Variants in PDE10A observed in about 807,000 individuals in gnomAD.
PDE10A encodes the protein cAMP and cAMP-inhibited cGMP 3',5'-cyclic phosphodiesterase 10A.
A neutral mutation model predicts 97.7 loss-of-function variants in PDE10A; 39 were observed. The ratio of observed to expected loss-of-function variants is 0.40; its 90% CI spans 0.31 to 0.52. The LOEUF is 0.52. Among genes scored for constraint, PDE10A ranks in the 20% least tolerant of loss-of-function variants. The pLI is 0.56. For missense variants in PDE10A, 731 were observed against 1,047.8 expected, an observed-to-expected ratio of 0.70 and a Z score of 4.17; for synonymous variants, 371 against 376.8, an observed-to-expected ratio of 0.98 and a Z score of 0.18.
chr6:165,462,211 A>C lies in PDE10A; in HGVS notation c.1024-11849T>G, dbSNP rs529723346. 2.1e-4 allele frequency among the ~76,000 whole-genome samples: 32 copies of C among 152,356 alleles called. No individual in the cohort carries two copies. The South Asian group carries it at 6.0e-3, about 29-fold the overall frequency. ...ATACAATTCTCAAGGACAAGTCATA[A>C]TGGAAAGAATGAATCTTTTTCTAAA... On this transcript the variant is annotated intron_variant, in intron 3 of 21. Coordinates refer to ENST00000539869, the MANE Select transcript of PDE10A (RefSeq NM_001385079.1).
At chr6:165,394,346 C>A (rs1429327020) in intron 15 of PDE10A, among the ~76,000 whole-genome samples, 1 of 152,054 alleles carries the variant, frequency 6.6e-6, no homozygotes, top group African/African-American at 2.4e-5. Flanking sequence ...TGTTAATATG[C>A]TGAGAATGAT....
At chr6:165,406,247 T>TGTGTGTGTGTGTGTGG (rs1787151545) in intron 13 of PDE10A, among the ~76,000 whole-genome samples, 1 of 151,682 alleles carries the variant, frequency 6.6e-6, no homozygotes, top group Admixed American at 6.6e-5. Context: ...TGTGTGTGTG[T>TGTGTGTGTGTGTGTGG]GTGTGTGTGT....
At chr6:165,698,123 A>G (rs1046494650) in intron 1 of PDE10A, among the ~76,000 whole-genome samples, 2 of 152,174 alleles carry the variant, frequency 1.3e-5, no homozygotes, top group Middle Eastern at 3.2e-3. Flanking sequence ...TAAACAAGCC[A>G]TGTTTCCTGA....
Position 165,694,770 on chromosome 6 carries a change from A to T in PDE10A, c.-614-151202T>A, listed in dbSNP as rs749307608. Among the ~76,000 whole-genome samples the T allele has an allele frequency of 4.8e-4, 73 of 152,360 alleles. 2 individuals carry two copies. The highest frequency in any genetic ancestry group is 1.2e-3 in the South Asian group (6 of 4,822). ...TATCTGGGACAGAGGATAGATGAGA[A>T]GGGAATGTTGATGGTAAAGAGAAAA... On this transcript the variant is annotated intron_variant, in intron 1 of 19. Transcript: ENST00000366882.
At chr6:165,817,095 T>C (rs542444241) in intron 1 of PDE10A, among the ~76,000 whole-genome samples, 1 of 152,224 alleles carries the variant, frequency 6.6e-6, no homozygotes, top group South Asian at 2.1e-4. Context: ...CATTGGTAAC[T>C]GGAATGAGGA....
At chr6:165,507,043 G>C (rs929517487) in intron 2 of PDE10A, among the ~76,000 whole-genome samples, 6 of 152,168 alleles carry the variant, frequency 3.9e-5, no homozygotes, top group African/African-American at 1.4e-4. Flanking sequence ...ATCCTGGAAA[G>C]AGTGTGGTTG....
At chr6:165,625,013 C>G (rs986640391) in intron 1 of PDE10A, among the ~76,000 whole-genome samples, 2 of 152,116 alleles carry the variant, frequency 1.3e-5, no homozygotes, top group Admixed American at 1.3e-4. Context: ...TACAAAGGCA[C>G]CAAGGGGAAG....
At chr6:165,626,564 C>T (rs1033699) in intron 1 of PDE10A, among the ~76,000 whole-genome samples, 107,738 of 152,208 alleles carry the variant, frequency 0.71, 40,425 homozygotes, top group Non-Finnish European at 0.82. Context: ...TATTTCTTCT[C>T]GACAGAAAAC....
chr6:165,373,862 A>C (rs1367067938), intron 18 of PDE10A, among the ~76,000 whole-genome samples: 1 of 151,856 alleles, frequency 6.6e-6, no homozygotes, highest in African/African-American at 2.4e-5. Flanking sequence ...CTGGATTAAG[A>C]AAATGTGGCA....
chr6:165,937,573 C>T (rs755566356), intron 1 of PDE10A, among the ~76,000 whole-genome samples: 52 of 152,172 alleles, frequency 3.4e-4, no homozygotes, highest in South Asian at 8.3e-4. Flanking sequence ...AGAGTTGGTA[C>T]ATGTCTTGAC....
chr6:165,565,307 T>C (rs1349183187), intron 1 of PDE10A, among the ~76,000 whole-genome samples: 1 of 152,108 alleles, frequency 6.6e-6, no homozygotes, highest in African/African-American at 2.4e-5. Context: ...ATTCCAGGAA[T>C]GAACAAGTAG....
intron 1 of PDE10A, chr6:165,545,260 A>C (rs752457390): frequency 4.5e-5 from 22 of 486,482 alleles, no homozygotes. Flanking sequence ...AATCTAAATC[A>C]GGAATCTTAA....
At chr6:165,672,150 A>G (rs1387109254) in intron 1 of PDE10A, among the ~76,000 whole-genome samples, 1 of 152,198 alleles carries the variant, frequency 6.6e-6, no homozygotes, top group Non-Finnish European at 1.5e-5. Flanking sequence ...AAAGATTTCC[A>G]CAGTTTATCA....
At chr6:165,404,653 A>G (rs903580312) in intron 13 of PDE10A, among the ~76,000 whole-genome samples, 1 of 152,136 alleles carries the variant, frequency 6.6e-6, no homozygotes, top group Non-Finnish European at 1.5e-5. Context: ...TTGAGTAGGT[A>G]AACAAGTAAA....
intron 1 of PDE10A, among the ~76,000 whole-genome samples, chr6:165,891,989 A>T (rs553454043): frequency 6.6e-6 from 1 of 151,532 alleles, no homozygotes; most frequent in South Asian, 2.1e-4. Context: ...TGCAGCTTCC[A>T]GTATTCACCC....
intron 1 of PDE10A, among the ~76,000 whole-genome samples, chr6:165,634,809 C>T (rs967609328): frequency 2.0e-5 from 3 of 152,178 alleles, no homozygotes; most frequent in South Asian, 2.1e-4. Context: ...ACAATGTGCA[C>T]GTGCCCCAAG....
At chr6:165,851,135 A>G (rs747321405) in intron 1 of PDE10A, among the ~76,000 whole-genome samples, 5 of 152,232 alleles carry the variant, frequency 3.3e-5, no homozygotes, top group Non-Finnish European at 7.3e-5. Context: ...CCTAATATAG[A>G]TAATTATCAT....
chr6:165,862,730 G>T (rs1464862809), intron 1 of PDE10A, among the ~76,000 whole-genome samples: 3 of 151,052 alleles, frequency 2.0e-5, no homozygotes, highest in Non-Finnish European at 2.9e-5. Flanking sequence ...CCCAGGCGGA[G>T]TGCAGTGGCA....
At chr6:165,362,653 C>T (rs1010259407) in intron 18 of PDE10A, among the ~76,000 whole-genome samples, 3 of 152,118 alleles carry the variant, frequency 2.0e-5, no homozygotes, top group South Asian at 4.1e-4. Context: ...TGAATTAATA[C>T]AAATTCTTCA....
Sources: gnomAD v4.1 joint callset for allele counts (sites outside exome capture counted in the v4.1 genomes callset) on GRCh38, gnomAD v4.1.1 for gene constraint, MANE v1.5 for transcripts, NCBI Gene and HGNC (gene_info 2026-07-23, HGNC 2026-07-21) for gene names.